UTS2B: variants seen among roughly 807,000 people sequenced by gnomAD.
UTS2B encodes the protein urotensin 2B.
Under a neutral mutation model 19.2 loss-of-function variants are expected in UTS2B, and 21 were observed. That is an observed-to-expected ratio of 1.09 (90% CI 0.78 to 1.58). UTS2B has a LOEUF of 1.58. UTS2B is among the 40% of genes most tolerant of loss of function. UTS2B has a pLI of 0.00. For synonymous variants in UTS2B, 57 were observed against 50.2 expected (o/e 1.14, Z -0.58); for missense variants, 138 against 130.3 (o/e 1.06, Z -0.29).
At chr3:191,298,707 T>G (rs1447892563) in intron 4 of UTS2B, among the ~76,000 whole-genome samples, 1 of 152,164 alleles carries the variant, frequency 6.6e-6, no homozygotes, top group Admixed American at 6.5e-5. Context: ...TGGAAGCAGC[T>G]TTGGAACTGG....
At chr3:191,339,138 A>G in the UTS2B span, among the ~76,000 whole-genome samples, 141 of 152,320 alleles carry the variant, frequency 9.3e-4, no homozygotes, top group African/African-American at 3.2e-3. Flanking sequence ...GAAACAATGA[A>G]TATACAGATT....
intron 4 of UTS2B, among the ~76,000 whole-genome samples, chr3:191,293,995 C>G (rs992446096): frequency 5.9e-5 from 9 of 151,808 alleles, no homozygotes; most frequent in African/African-American, 2.2e-4. Context: ...GTAATCCCAG[C>G]TACTCGGGTG....
the UTS2B span, among the ~76,000 whole-genome samples, chr3:191,343,222 T>C: frequency 2.0e-5 from 3 of 152,246 alleles, no homozygotes; most frequent in African/African-American, 7.2e-5. Flanking sequence ...ACTGTACTTA[T>C]GATGGCTATT....
rs1386791265 is a variant in UTS2B at position 191,282,273 on chromosome 3, G to A, written c.-84C>T. The A allele has an allele frequency of 1.4e-5, 14 of 1,010,392 alleles. No individual in the cohort carries two copies. In the Admixed American group the frequency reaches 2.8e-4, roughly 20 times the overall value. The allele number at this position is 1,010,392 out of a possible 1,614,324, so 62.6% of individuals were successfully genotyped here. On this transcript the variant is annotated 5_prime_UTR_variant, in exon 5 of 9. Coordinates refer to ENST00000340524, the MANE Select transcript of UTS2B (RefSeq NM_198152.5). ...TTCTATAGCTTTGGAATTCAGTAGA[G>A]CTTAGTTGCAAAAGGCAAGTGTGCC...
At chr3:191,312,641 T>G (rs953469660) in intron 3 of UTS2B, among the ~76,000 whole-genome samples, 46 of 152,160 alleles carry the variant, frequency 3.0e-4, no homozygotes, top group African/African-American at 1.1e-3. Flanking sequence ...ACAGGTGAAG[T>G]TTTTAATAAT....
At chr3:191,293,884 G>A (rs1013711433) in intron 4 of UTS2B, among the ~76,000 whole-genome samples, 19 of 151,698 alleles carry the variant, frequency 1.3e-4, no homozygotes, top group African/African-American at 3.9e-4. Flanking sequence ...GAGTCGGGGC[G>A]GATCTCCTGA....
At chr3:191,274,287 A>G (rs1716170689) in intron 8 of UTS2B, among the ~76,000 whole-genome samples, 1 of 152,226 alleles carries the variant, frequency 6.6e-6, no homozygotes, top group African/African-American at 2.4e-5. Context: ...TATGGGATTC[A>G]TGTAGAAAAT....
At chr3:191,318,524 A>G (rs1026894326) in intron 2 of UTS2B, among the ~76,000 whole-genome samples, 1 of 152,228 alleles carries the variant, frequency 6.6e-6, no homozygotes, top group Non-Finnish European at 1.5e-5. Flanking sequence ...GCTGGAGTAC[A>G]GTGGCACAAT....
At chr3:191,330,023 C>T (rs1379318725) in intron 1 of UTS2B, among the ~76,000 whole-genome samples, 1 of 151,574 alleles carries the variant, frequency 6.6e-6, no homozygotes, top group Non-Finnish European at 1.5e-5. Context: ...CCTCAGTGGA[C>T]GCTGAGAGCC....
At chr3:191,336,611 T>C in the UTS2B span, among the ~76,000 whole-genome samples, 1 of 152,172 alleles carries the variant, frequency 6.6e-6, no homozygotes, top group African/African-American at 2.4e-5. Flanking sequence ...TTAAAAACCT[T>C]AGTTCAATAT....
chr3:191,290,603 A>T (rs1341913348), intron 4 of UTS2B, among the ~76,000 whole-genome samples: 1 of 152,212 alleles, frequency 6.6e-6, no homozygotes, highest in African/African-American at 2.4e-5. Flanking sequence ...ATAGAAAATG[A>T]TTGCTCCAAT....
At chr3:191,285,260 AT>A (rs1560135660) in intron 4 of UTS2B, among the ~76,000 whole-genome samples, 1 of 152,248 alleles carries the variant, frequency 6.6e-6, no homozygotes, top group Non-Finnish European at 1.5e-5. Flanking sequence ...TTAAGTTGCT[AT>A]CAGCTTAGGA....
intron 7 of UTS2B, 118 bp downstream of exon 7, chr3:191,276,689 C>A (rs1716244908): frequency 2.4e-6 from 2 of 825,070 alleles, no homozygotes; most frequent in African/African-American, 1.8e-5. Flanking sequence ...CTTTGTTTAG[C>A]AGGAATAAAA....
intron 4 of UTS2B, among the ~76,000 whole-genome samples, chr3:191,298,336 G>T (rs1207573355): frequency 6.6e-6 from 1 of 152,146 alleles, no homozygotes; most frequent in African/African-American, 2.4e-5. Context: ...GTGGATTCTG[G>T]TGGGAGGTGT....
chr3:191,269,503 T>TA, intron 8 of UTS2B, among the ~76,000 whole-genome samples: 1 of 144,670 alleles, frequency 6.9e-6, no homozygotes, highest in East Asian at 2.0e-4. Flanking sequence ...TTTTTCAGGT[T>TA]TTTTTTTTTT....
At chr3:191,274,927 T>G (rs1220518456) in intron 8 of UTS2B, among the ~76,000 whole-genome samples, 1 of 152,236 alleles carries the variant, frequency 6.6e-6, no homozygotes, top group Non-Finnish European at 1.5e-5. Flanking sequence ...GAATTTTAAA[T>G]TGACTTAAAA....
chr3:191,301,483 ATT>A (rs750203551), intron 4 of UTS2B, among the ~76,000 whole-genome samples: 1,902 of 113,736 alleles, frequency 0.017, 28 homozygotes, highest in African/African-American at 0.06. Flanking sequence ...ATTTTTGGTA[ATT>A]TTTTTTTTTT....
At chr3:191,312,911 A>G (rs1717342216) in intron 3 of UTS2B, among the ~76,000 whole-genome samples, 1 of 152,238 alleles carries the variant, frequency 6.6e-6, no homozygotes, top group Non-Finnish European at 1.5e-5. Context: ...CGAGGCACAG[A>G]AATGAAAATG....
At chr3:191,271,431 T>G (rs1428385155) in intron 8 of UTS2B, among the ~76,000 whole-genome samples, 1 of 152,162 alleles carries the variant, frequency 6.6e-6, no homozygotes, top group African/African-American at 2.4e-5. Flanking sequence ...AATTAAAGCC[T>G]TCTTCCTTGG....
Sources: gnomAD v4.1 joint callset for allele counts (sites outside exome capture counted in the v4.1 genomes callset) on GRCh38, gnomAD v4.1.1 for gene constraint, MANE v1.5 for transcripts, NCBI Gene and HGNC (gene_info 2026-07-23, HGNC 2026-07-21) for gene names.